Variants in CNTNAP2 observed in about 807,000 individuals in gnomAD.
CNTNAP2 encodes contactin associated protein 2, also known as contactin-associated protein-like 2.
In CNTNAP2, 98 loss-of-function variants were observed where a neutral mutation model predicts 155.2. That is an observed-to-expected ratio of 0.63 (90% CI 0.54 to 0.75). The LOEUF (loss-of-function observed/expected upper bound fraction) is 0.75, where lower values mean the gene tolerates loss of function less well. Ranked by LOEUF, CNTNAP2 falls within the 30% of genes least tolerant of loss-of-function variation. CNTNAP2 has a pLI of 0.00. For synonymous variants in CNTNAP2, 651 were observed against 631.2 expected (o/e 1.03, Z -0.47); for missense variants, 1,727 against 1,688.1 (o/e 1.02, Z -0.40).
At chr7:147,040,521 C>T (rs1034133010) in intron 3 of CNTNAP2, among the ~76,000 whole-genome samples, 4 of 131,764 alleles carry the variant, frequency 3.0e-5, no homozygotes, top group African/African-American at 5.9e-5. Flanking sequence ...AGTACAGTGG[C>T]GTGATTTCAA....
chr7:147,841,833 T>C (rs577872935), intron 13 of CNTNAP2, among the ~76,000 whole-genome samples: 1 of 152,286 alleles, frequency 6.6e-6, no homozygotes, highest in African/African-American at 2.4e-5. Context: ...ATATTTGGCT[T>C]CAATAACAAT....
At chr7:147,820,769 G>T (rs1584973318) in intron 13 of CNTNAP2, among the ~76,000 whole-genome samples, 1 of 152,144 alleles carries the variant, frequency 6.6e-6, no homozygotes, top group Middle Eastern at 3.4e-3. Context: ...AACTTAAAAT[G>T]ACTTTCCTTA....
chr7:146,266,886 A>T (rs903780210), intron 1 of CNTNAP2, among the ~76,000 whole-genome samples: 3 of 140,926 alleles, frequency 2.1e-5, no homozygotes, highest in South Asian at 2.3e-4. Flanking sequence ...ACATTGCTGA[A>T]TTTTTTTTTT....
intron 21 of CNTNAP2, among the ~76,000 whole-genome samples, chr7:148,356,893 A>T (rs1325954094): frequency 6.6e-6 from 1 of 151,086 alleles, no homozygotes; most frequent in South Asian, 2.1e-4. Flanking sequence ...CGTCACCATT[A>T]AAAAAACAAA....
intron 8 of CNTNAP2, among the ~76,000 whole-genome samples, chr7:147,289,659 G>C (rs973921888): frequency 6.6e-6 from 1 of 152,176 alleles, no homozygotes; most frequent in Non-Finnish European, 1.5e-5. Context: ...AGTTTTTGAA[G>C]TATAGTGATG....
intron 21 of CNTNAP2, among the ~76,000 whole-genome samples, chr7:148,328,557 T>G (rs1797932252): frequency 6.6e-6 from 1 of 152,080 alleles, no homozygotes; most frequent in Non-Finnish European, 1.5e-5. Flanking sequence ...TCTCAAGACC[T>G]GGGTTATGGA....
intron 8 of CNTNAP2, among the ~76,000 whole-genome samples, chr7:147,177,406 T>C (rs1802371832): frequency 6.6e-6 from 1 of 152,154 alleles, no homozygotes; most frequent in Non-Finnish European, 1.5e-5. Flanking sequence ...TCTCTCTTGC[T>C]GCCCTGTGAA....
chr7:146,457,959 CTACT>C (rs1796581815), intron 1 of CNTNAP2, among the ~76,000 whole-genome samples: 1 of 152,048 alleles, frequency 6.6e-6, no homozygotes, highest in South Asian at 2.1e-4. Context: ...TGTTTGAAGG[CTACT>C]TAAACTATCC....
At chr7:147,865,397 T>A (rs1423864804) in intron 13 of CNTNAP2, among the ~76,000 whole-genome samples, 1 of 152,198 alleles carries the variant, frequency 6.6e-6, no homozygotes, top group African/African-American at 2.4e-5. Context: ...TCTTTTTTTG[T>A]TGTCTCTCTG....
chr7:146,442,842 G>C (rs1243474891), intron 1 of CNTNAP2, among the ~76,000 whole-genome samples: 1 of 152,136 alleles, frequency 6.6e-6, no homozygotes, highest in Non-Finnish European at 1.5e-5. Context: ...CTTGGGTGCA[G>C]ATTTCACAGT....
intron 9 of CNTNAP2, among the ~76,000 whole-genome samples, chr7:147,359,052 T>C (rs1796107172): frequency 6.6e-6 from 1 of 152,156 alleles, no homozygotes. Context: ...GCTTAATCTC[T>C]AGAAACCTAT....
At chr7:146,776,687 T>C (rs1209539343) in intron 2 of CNTNAP2, among the ~76,000 whole-genome samples, 10 of 152,320 alleles carry the variant, frequency 6.6e-5, no homozygotes, top group African/African-American at 2.4e-4. Context: ...TTTGGTTTTT[T>C]AATGGGAATT....
At chr7:146,853,077 A>T (rs2129203498) in intron 3 of CNTNAP2, among the ~76,000 whole-genome samples, 1 of 152,356 alleles carries the variant, frequency 6.6e-6, no homozygotes, top group East Asian at 1.9e-4. Context: ...CAAGTATTTG[A>T]TAAAAGAAAC....
At chr7:147,240,259 AG>A (rs1223555246) in intron 8 of CNTNAP2, among the ~76,000 whole-genome samples, 1 of 152,180 alleles carries the variant, frequency 6.6e-6, no homozygotes, top group Non-Finnish European at 1.5e-5. Context: ...GGAGAGTTCA[AG>A]GCTGCAGTGA....
chr7:147,176,548 A>G (rs1048643736), intron 8 of CNTNAP2, among the ~76,000 whole-genome samples: 30 of 149,666 alleles, frequency 2.0e-4, no homozygotes, highest in Admixed American at 6.1e-4. Context: ...CCTCTTTCCC[A>G]GAATGCCTTT....
chr7:147,266,360 C>T (rs1314347062), intron 8 of CNTNAP2, among the ~76,000 whole-genome samples: 1 of 152,198 alleles, frequency 6.6e-6, no homozygotes, highest in African/African-American at 2.4e-5. Flanking sequence ...GCCATTGAGA[C>T]CACATCTTTT....
rs190065829 is a variant in CNTNAP2, at chr7:148,059,318, C to T, written c.2384-58800C>T. On this transcript the variant is annotated intron_variant, in intron 15 of 23. Coordinates refer to ENST00000361727, the MANE Select transcript of CNTNAP2 (RefSeq NM_014141.6). ...GAAAACAAAAACAAAAGGTCTGGCA[C>T]GGTGGCTCACACCTATAATCCCAGC... Among the ~76,000 whole-genome samples the T allele has an allele frequency of 2.3e-3, 354 of 151,816 alleles. 1 individual carries two copies. Among genetic ancestry groups the T allele is most frequent in the African/African-American group, 7.9e-3 (328 of 41,408 alleles).
intron 18 of CNTNAP2, among the ~76,000 whole-genome samples, chr7:148,183,856 G>T (rs188148305): frequency 6.6e-6 from 1 of 152,132 alleles, no homozygotes. Flanking sequence ...TTAGGAGTTA[G>T]ATTAGCTTAA....
intron 10 of CNTNAP2, among the ~76,000 whole-genome samples, chr7:147,473,545 G>A (rs12703919): frequency 0.78 from 118,361 of 151,850 alleles, 46,495 homozygotes; most frequent in African/African-American, 0.87. Context: ...TAATTGACAA[G>A]ATAATGAATA....
Sources: gnomAD v4.1 joint callset for allele counts (sites outside exome capture counted in the v4.1 genomes callset) on GRCh38, gnomAD v4.1.1 for gene constraint, MANE v1.5 for transcripts, NCBI Gene and HGNC (gene_info 2026-07-23, HGNC 2026-07-21) for gene names.